Variants in SH3BP1 observed in about 807,000 individuals in gnomAD.
The protein encoded by SH3BP1 is SH3 domain-binding protein 1.
SH3BP1 carries 46 observed loss-of-function variants against 69.8 expected under a neutral mutation model. The observed-to-expected ratio is 0.66, with a 90% CI of 0.52 to 0.84. SH3BP1 has a LOEUF of 0.84. Ranked by LOEUF, SH3BP1 falls within the 40% of genes least tolerant of loss-of-function variation. SH3BP1 has a pLI of 0.00. For missense variants in SH3BP1, 868 were observed against 930.9 expected (o/e 0.93, Z 0.88); for synonymous variants, 403 against 378.0 (o/e 1.07, Z -0.77).
chr22:37,647,672 A>G (rs2146060281), intron 13 of SH3BP1, 151 bp downstream of exon 13: 1 of 442,592 alleles, frequency 2.3e-6, no homozygotes, highest in Non-Finnish European at 3.7e-6. Flanking sequence ...TCATTTATAT[A>G]TATAATTTTT....
intron 16 of SH3BP1, among the ~76,000 whole-genome samples, chr22:37,652,708 C>G (rs1932905132): frequency 6.8e-6 from 1 of 147,226 alleles, no homozygotes; most frequent in African/African-American, 2.5e-5. Flanking sequence ...ACCTGTAATC[C>G]CAGCTACTCG....
At chr22:37,652,825 CA>C (rs34342757) in intron 16 of SH3BP1, among the ~76,000 whole-genome samples, 8,525 of 97,698 alleles carry the variant, frequency 0.087, 550 homozygotes, top group East Asian at 0.25. Flanking sequence ...AACTCCATCT[CA>C]AAAAAAAAAA....
chr22:37,639,867 G>A, intron 1 of SH3BP1, 21 bp downstream of exon 1: 1 of 1,488,286 alleles, frequency 6.7e-7, no homozygotes, highest in Admixed American at 1.9e-5. Flanking sequence ...CCCGCTTCCA[G>A]CCCCACTCTT....
intron 16 of SH3BP1, among the ~76,000 whole-genome samples, chr22:37,650,961 A>G (rs1348081871): frequency 1.3e-5 from 2 of 152,138 alleles, no homozygotes; most frequent in African/African-American, 4.8e-5. Flanking sequence ...CACCTACTAT[A>G]TGCCAGGCTT....
At position 37,643,087 on chromosome 22, in the gene SH3BP1, C is replaced by A; in HGVS notation, c.397-11C>A. 1 of 1,609,352 alleles carries A rather than the reference C, an allele frequency of 6.2e-7. No homozygotes were observed. The highest frequency in any genetic ancestry group is 8.5e-7 in the Non-Finnish European group (1 of 1,177,572). On this transcript the variant is annotated splice_polypyrimidine_tract_variant and intron_variant, in intron 5 of 17. Coordinates refer to ENST00000649765, the MANE Select transcript of SH3BP1 (RefSeq NM_018957.6). ...CCCCCAGCACACTGACCCCCCCATGCCCATCCCCAGGAGGAGCTGCCAGCC... is the reference window on the plus strand; with the variant it reads ...CCCCCAGCACACTGACCCCCCCATGACCATCCCCAGGAGGAGCTGCCAGCC...
At chr22:37,648,700 CT>C (rs993648456) in intron 14 of SH3BP1, 13,846 of 157,750 alleles carry the variant, frequency 0.088, 236 homozygotes, top group African/African-American at 0.14. Context: ...AGATCGGGTT[CT>C]TTTTTTTTTT....
At chr22:37,654,661 T>G (rs1302234169) in intron 17 of SH3BP1, among the ~76,000 whole-genome samples, 1 of 151,998 alleles carries the variant, frequency 6.6e-6, no homozygotes, top group African/African-American at 2.4e-5. Flanking sequence ...TGAGCCCCTC[T>G]GGCACACTCA....
In SH3BP1 at chr22:37,642,323, C is replaced by CT. The variant is rs1265668644; in HGVS notation, c.208-215dup. 3 of 562,644 alleles carry CT rather than the reference C, an allele frequency of 5.3e-6. No individual in the cohort carries two copies. In the East Asian group the frequency reaches 8.9e-5, roughly 17 times the overall value. The allele number at this position is 562,644 out of a possible 1,614,324, so 34.9% of individuals were successfully genotyped here. A position where few individuals can be genotyped will look rare whatever the true frequency, so the allele number is the denominator to read the frequency against. Reference sequence around the variant, plus strand: ...TCCTTCCTGCCCAGTCAAGTGGCTTCTGGGAAGAGGAAAGGGCACGCCAGA... The same window carrying CT: ...TCCTTCCTGCCCAGTCAAGTGGCTTCTTGGGAAGAGGAAAGGGCACGCCAGA... On this transcript the variant is annotated intron_variant, in intron 3 of 17. Coordinates refer to ENST00000649765, the MANE Select transcript of SH3BP1 (RefSeq NM_018957.6).
intron 8 of SH3BP1, 29 bp from the exon 9 acceptor site, chr22:37,644,841 C>T (rs370092704): frequency 6.2e-7 from 1 of 1,612,580 alleles, no homozygotes; most frequent in Non-Finnish European, 8.5e-7. Flanking sequence ...TCCCCCACTT[C>T]CGCTCAGGGT....
At chr22:37,653,706 G>A in intron 16 of SH3BP1, 73 bp from the exon 17 acceptor site, 8 of 1,036,400 alleles carry the variant, frequency 7.7e-6, no homozygotes, top group Non-Finnish European at 1.2e-5. Flanking sequence ...CCTGGCAGCT[G>A]GAGACTCCTC....
chr22:37,650,095 A>G, intron 14 of SH3BP1, 57 bp from the exon 15 acceptor site: 1 of 1,586,074 alleles, frequency 6.3e-7, no homozygotes. Flanking sequence ...GCACAGAGCC[A>G]GCCAGAGAGT....
Position 37,653,036 on chromosome 22 carries a change from CCAAGA to C in SH3BP1, c.1599-740_1599-736del, listed in dbSNP as rs1303463746. Among the ~76,000 whole-genome samples the C allele has an allele frequency of 3.3e-5, 5 of 151,868 alleles. No homozygotes were observed. In the East Asian group the frequency reaches 9.7e-4, roughly 29 times the overall value. The stretch of plus-strand genomic sequence containing the variant: ...CCTGTAATCTCAGCTACTCAGGAGA[CCAAGA>C]CAGGAGAATCCCATGAACCCAGGAG... On this transcript the variant is annotated intron_variant, in intron 16 of 17. Coordinates refer to ENST00000649765, the MANE Select transcript of SH3BP1 (RefSeq NM_018957.6).
intron 3 of SH3BP1, 118 bp from the exon 4 acceptor site, chr22:37,642,421 C>T: frequency 1.1e-6 from 1 of 898,476 alleles, no homozygotes; most frequent in East Asian, 2.6e-5. Flanking sequence ...TTTCCACTCT[C>T]ATCTGGGACT....
intron 7 of SH3BP1, 95 bp from the exon 8 acceptor site, chr22:37,644,542 G>A: frequency 8.4e-7 from 1 of 1,195,030 alleles, no homozygotes; most frequent in East Asian, 2.3e-5. Context: ...GCAGTTGTGT[G>A]GCCTGGGGGA....
Position 37,650,473 on chromosome 22 carries a change from G to A in SH3BP1, c.1415-69G>A, listed in dbSNP as rs970004006. The A allele has an allele frequency of 3.1e-5, 48 of 1,542,722 alleles. No homozygotes were observed. The East Asian group carries it at 5.7e-4, about 18-fold the overall frequency. On this transcript the variant is annotated intron_variant, in intron 15 of 17. Transcript: ENST00000649765. ...AGATGGGTTCAGGGGAAGGGGAAAC[G>A]GTCCCGGCCAGTGGAGTGAGGAGCC... is the stretch of plus-strand genomic sequence containing the variant.
At position 37,642,660 on chromosome 22, in the gene SH3BP1, G is replaced by C. The variant is rs771359278; in HGVS notation, c.284+45G>C. On this transcript the variant is annotated intron_variant, in intron 4 of 17. Transcript: ENST00000649765. Reference sequence around the variant, plus strand: ...AGCCCTCACCTGGGGATACCAAGACGTGATCTCAGCTGGGAGGGGGTCCAG... The same window carrying C: ...AGCCCTCACCTGGGGATACCAAGACCTGATCTCAGCTGGGAGGGGGTCCAG... The C allele has an allele frequency of 1.5e-5, 24 of 1,612,478 alleles. No homozygotes were observed. In the Admixed American group the frequency reaches 4.0e-4, roughly 27 times the overall value.
intron 13 of SH3BP1, 49 bp downstream of exon 13, chr22:37,647,570 T>C: frequency 6.7e-7 from 1 of 1,492,038 alleles, no homozygotes. Context: ...AGAGCCCAGC[T>C]GAGGTCACGG....
chr22:37,646,766 T>C, intron 10 of SH3BP1, 52 bp from the exon 11 acceptor site: 3 of 1,174,372 alleles, frequency 2.6e-6, no homozygotes, highest in Non-Finnish European at 3.5e-6. Flanking sequence ...CGCCAGGGTG[T>C]CCTGCCCTGC....
intron 7 of SH3BP1, among the ~76,000 whole-genome samples, 174 bp from the exon 8 acceptor site, chr22:37,644,463 G>C (rs1042584665): frequency 3.9e-5 from 6 of 152,366 alleles, no homozygotes; most frequent in African/African-American, 7.2e-5. Context: ...AAGTTTGAGG[G>C]AGTTCCCAGG....
Sources: allele counts gnomAD v4.1 joint callset (sites outside exome capture counted in the v4.1 genomes callset), GRCh38; gene constraint gnomAD v4.1.1; transcripts MANE v1.5; gene names NCBI Gene and HGNC (gene_info 2026-07-23, HGNC 2026-07-21).